CCSER1: variants seen among roughly 807,000 people sequenced by gnomAD.
CCSER1 encodes the protein serine-rich coiled-coil domain-containing protein 1.
Under a neutral mutation model 82.0 loss-of-function variants are expected in CCSER1, and 41 were observed. That is an observed-to-expected ratio of 0.50 (90% CI 0.39 to 0.65). CCSER1 has a LOEUF of 0.65. Among genes scored for constraint, CCSER1 ranks in the 30% least tolerant of loss-of-function variants. The pLI is 0.00. For missense variants in CCSER1, 1,119 were observed against 1,064.2 expected (o/e 1.05, Z -0.72); for synonymous variants, 414 against 383.9 (o/e 1.08, Z -0.92).
chr4:90,625,961 A>G (rs1268073841), intron 5 of CCSER1, among the ~76,000 whole-genome samples: 2 of 152,184 alleles, frequency 1.3e-5, no homozygotes, highest in Non-Finnish European at 2.9e-5. Context: ...CACGAATATG[A>G]TTCCTGAAAG....
intron 9 of CCSER1, among the ~76,000 whole-genome samples, chr4:91,023,506 A>G (rs531005839): frequency 2.8e-4 from 43 of 152,316 alleles, no homozygotes; most frequent in Non-Finnish European, 4.0e-4. Context: ...AATGCCACAT[A>G]TCTACAACCA....
At chr4:90,750,270 T>A (rs1287144879) in intron 7 of CCSER1, among the ~76,000 whole-genome samples, 1 of 152,180 alleles carries the variant, frequency 6.6e-6, no homozygotes, top group Admixed American at 6.5e-5. Flanking sequence ...GTAGTTTCTT[T>A]TGCTGTGCAG....
chr4:91,060,324 T>TA (rs1743850512), intron 9 of CCSER1, among the ~76,000 whole-genome samples: 1 of 152,044 alleles, frequency 6.6e-6, no homozygotes, highest in Non-Finnish European at 1.5e-5. Flanking sequence ...TTAGCTTTAA[T>TA]AAACAGAAGA....
At chr4:91,485,361 A>C (rs1466039691) in intron 10 of CCSER1, among the ~76,000 whole-genome samples, 2 of 152,196 alleles carry the variant, frequency 1.3e-5, no homozygotes, top group Non-Finnish European at 2.9e-5. Context: ...GCTACGAATA[A>C]ATGTTTGAAA....
At chr4:90,318,850 A>G (rs954382588) in intron 3 of CCSER1, among the ~76,000 whole-genome samples, 1 of 152,216 alleles carries the variant, frequency 6.6e-6, no homozygotes, top group Non-Finnish European at 1.5e-5. Flanking sequence ...CTGAAGAATC[A>G]AAGATGAAAG....
intron 10 of CCSER1, among the ~76,000 whole-genome samples, chr4:91,585,581 G>T (rs999579827): frequency 6.6e-6 from 1 of 151,466 alleles, no homozygotes; most frequent in Non-Finnish European, 1.5e-5. Flanking sequence ...CATTTGGAAG[G>T]TTTAAAATAG....
chr4:90,372,481 C>T (rs781378234), intron 3 of CCSER1, among the ~76,000 whole-genome samples: 3 of 151,934 alleles, frequency 2.0e-5, no homozygotes, highest in Admixed American at 6.6e-5. Context: ...GGGGGCTGGG[C>T]GCTCAGGCCT....
At chr4:90,129,902 A>G (rs1411265700) in intron 1 of CCSER1, among the ~76,000 whole-genome samples, 2 of 152,210 alleles carry the variant, frequency 1.3e-5, no homozygotes, top group Non-Finnish European at 2.9e-5. Context: ...ATCCCAAACT[A>G]TTTGAACATA....
At chr4:90,610,729 C>A (rs1785356440) in intron 5 of CCSER1, among the ~76,000 whole-genome samples, 1 of 152,114 alleles carries the variant, frequency 6.6e-6, no homozygotes, top group South Asian at 2.1e-4. Flanking sequence ...AAGCTACACA[C>A]ATAACAATGA....
chr4:91,180,692 G>A (rs1254663903), intron 10 of CCSER1, among the ~76,000 whole-genome samples: 1 of 152,070 alleles, frequency 6.6e-6, no homozygotes, highest in African/African-American at 2.4e-5. Context: ...GTGCTGAGAG[G>A]AGCTCAGTCA....
At chr4:91,008,862 G>A (rs1213865886) in intron 9 of CCSER1, among the ~76,000 whole-genome samples, 1 of 152,114 alleles carries the variant, frequency 6.6e-6, no homozygotes, top group African/African-American at 2.4e-5. Context: ...TTGGCCTCAT[G>A]GATTCCAAGG....
chr4:90,635,981 A>G (rs1454978417), intron 6 of CCSER1, among the ~76,000 whole-genome samples: 2 of 151,912 alleles, frequency 1.3e-5, no homozygotes. Flanking sequence ...ATAAAGAACA[A>G]AACTCTATAA....
At chr4:90,840,570 G>C (rs1762452519) in intron 8 of CCSER1, among the ~76,000 whole-genome samples, 1 of 152,192 alleles carries the variant, frequency 6.6e-6, no homozygotes, top group South Asian at 2.1e-4. Flanking sequence ...AAATTCAGGA[G>C]TAAGGTTTTA....
intron 4 of CCSER1, among the ~76,000 whole-genome samples, chr4:90,412,066 A>C (rs952043115): frequency 6.6e-6 from 1 of 152,006 alleles, no homozygotes; most frequent in African/African-American, 2.4e-5. Context: ...AACCAAGCCA[A>C]ATGTCCAACA....
chr4:91,182,892 G>T (rs1734174782), intron 10 of CCSER1, among the ~76,000 whole-genome samples: 1 of 152,252 alleles, frequency 6.6e-6, no homozygotes, highest in Non-Finnish European at 1.5e-5. Flanking sequence ...GATGAGGCAT[G>T]TACCATTTGG....
intron 10 of CCSER1, among the ~76,000 whole-genome samples, chr4:91,146,742 G>A (rs1301154387): frequency 6.6e-6 from 1 of 152,020 alleles, no homozygotes; most frequent in Non-Finnish European, 1.5e-5. Context: ...TACGTTGATA[G>A]TTTCCTTCAT....
At chr4:90,332,417 G>A (rs1227807772) in intron 3 of CCSER1, among the ~76,000 whole-genome samples, 2 of 151,996 alleles carry the variant, frequency 1.3e-5, no homozygotes, top group East Asian at 1.9e-4. Flanking sequence ...TGTATTTTTA[G>A]TAGAGACGGG....
chr4:91,514,918 C>G (rs950163487), intron 10 of CCSER1, among the ~76,000 whole-genome samples: 1 of 152,080 alleles, frequency 6.6e-6, no homozygotes, highest in Admixed American at 6.6e-5. Context: ...AGGTTTTCAA[C>G]TTAATAGTTG....
At chr4:91,225,978 C>T (rs1738165341) in intron 10 of CCSER1, among the ~76,000 whole-genome samples, 1 of 151,800 alleles carries the variant, frequency 6.6e-6, no homozygotes, top group African/African-American at 2.4e-5. Context: ...TGTAAGTTGA[C>T]AGACAAAAAC....
Sources: allele counts gnomAD v4.1 joint callset (sites outside exome capture counted in the v4.1 genomes callset), GRCh38; gene constraint gnomAD v4.1.1; transcripts MANE v1.5; gene names NCBI Gene and HGNC (gene_info 2026-07-23, HGNC 2026-07-21).